Variants in PDZRN4 observed in about 807,000 individuals in gnomAD.
PDZRN4 encodes PDZ domain-containing RING finger protein 4.
In PDZRN4, 70 loss-of-function variants were observed where a neutral mutation model predicts 99.0. That is an observed-to-expected ratio of 0.71 (90% CI 0.58 to 0.86). PDZRN4 has a LOEUF of 0.86. Ranked by LOEUF, PDZRN4 falls within the 40% of genes least tolerant of loss-of-function variation. PDZRN4 has a pLI of 0.00. For missense variants in PDZRN4, 1,474 were observed against 1,331.2 expected (o/e 1.11, Z -1.67); for synonymous variants, 551 against 501.6 (o/e 1.10, Z -1.32).
At chr12:41,564,111 A>G (rs113087606) in intron 8 of PDZRN4, among the ~76,000 whole-genome samples, 3,662 of 152,310 alleles carry the variant, frequency 0.024, 82 homozygotes, top group African/African-American at 0.055. Flanking sequence ...GCATATGAAG[A>G]TATCTTGGAA....
chr12:41,188,906 G>A lies in PDZRN4; in HGVS notation c.451G>A (p.Gly151Ser). 9.0e-7 allele frequency: 1 copy of A among 1,114,312 alleles called. No homozygotes were observed. The allele number at this position is 1,114,312 out of a possible 1,614,324, so 69.0% of individuals were successfully genotyped here. Residue 151 changes from glycine to serine, a missense_variant, in exon 1 of 10, where the codon GGC becomes AGC. Gly to Ser is a moderately conservative substitution (Grantham distance 56). Transcript: ENST00000402685. Reference sequence around the variant, plus strand: ...CGGGGGCGCGCGCGGGGGGCCGCCGGGCGGCCGCTGGGGCCGCGGGCGGGG... The same window carrying A: ...CGGGGGCGCGCGCGGGGGGCCGCCGAGCGGCCGCTGGGGCCGCGGGCGGGG... ...RGGGARGGPP[G>S]GRWGRGRGPG...
intron 5 of PDZRN4, among the ~76,000 whole-genome samples, chr12:41,548,633 A>G (rs1464447685): frequency 6.6e-6 from 1 of 152,188 alleles, no homozygotes; most frequent in Admixed American, 6.5e-5. Flanking sequence ...TATGGCATGC[A>G]TGGGCCTAAG....
chr12:41,324,666 A>G (rs1164099055), intron 3 of PDZRN4, among the ~76,000 whole-genome samples: 1 of 152,084 alleles, frequency 6.6e-6, no homozygotes, highest in Non-Finnish European at 1.5e-5. Flanking sequence ...GTGCAAAACT[A>G]ATTGTGGTAT....
chr12:41,540,365 CATT>C (rs939998426), intron 5 of PDZRN4, among the ~76,000 whole-genome samples: 5 of 152,056 alleles, frequency 3.3e-5, no homozygotes, highest in Admixed American at 3.3e-4. Context: ...AGATTTAATT[CATT>C]ATTATGTCAT....
At chr12:41,572,305 A>G in intron 9 of PDZRN4, 59 bp from the exon 10 acceptor site, 2 of 1,430,726 alleles carry the variant, frequency 1.4e-6, no homozygotes, top group Non-Finnish European at 9.5e-7. Flanking sequence ...AAGATTTTTA[A>G]TAACAAATGT....
intron 3 of PDZRN4, among the ~76,000 whole-genome samples, chr12:41,223,106 G>C (rs897951370): frequency 6.6e-6 from 1 of 152,102 alleles, no homozygotes; most frequent in Non-Finnish European, 1.5e-5. Context: ...ATAAAGAATG[G>C]GTAAGGCTTA....
intron 3 of PDZRN4, among the ~76,000 whole-genome samples, chr12:41,279,481 G>T (rs561242867): frequency 6.6e-6 from 1 of 152,066 alleles, no homozygotes; most frequent in African/African-American, 2.4e-5. Context: ...TTTAAAGATG[G>T]GTAGTAGTTT....
chr12:41,515,371 A>G (rs2120698398), intron 5 of PDZRN4, among the ~76,000 whole-genome samples: 1 of 152,138 alleles, frequency 6.6e-6, no homozygotes, highest in South Asian at 2.1e-4. Context: ...CACATTTTAG[A>G]ATCATTAATG....
At chr12:41,290,010 T>C (rs2120905096) in intron 3 of PDZRN4, among the ~76,000 whole-genome samples, 1 of 152,346 alleles carries the variant, frequency 6.6e-6, no homozygotes, top group South Asian at 2.1e-4. Flanking sequence ...ATATATAAGC[T>C]TAAGGCTATC....
At chr12:41,463,800 A>T (rs1269232826) in intron 3 of PDZRN4, among the ~76,000 whole-genome samples, 1 of 152,192 alleles carries the variant, frequency 6.6e-6, no homozygotes, top group Non-Finnish European at 1.5e-5. Context: ...TATTATCAGA[A>T]AACAACTGGA....
At chr12:41,499,239 C>A (rs1028204517) in intron 3 of PDZRN4, among the ~76,000 whole-genome samples, 2 of 152,014 alleles carry the variant, frequency 1.3e-5, no homozygotes, top group African/African-American at 4.8e-5. Context: ...CTGGGTGAGG[C>A]AGGGGTGCCA....
intron 5 of PDZRN4, among the ~76,000 whole-genome samples, chr12:41,549,632 C>G (rs1939019023): frequency 6.6e-6 from 1 of 152,156 alleles, no homozygotes; most frequent in Non-Finnish European, 1.5e-5. Flanking sequence ...AGGGTTTAGT[C>G]CCTTGCATTA....
chr12:41,429,538 C>T (rs1467408003), intron 3 of PDZRN4, among the ~76,000 whole-genome samples: 1 of 152,054 alleles, frequency 6.6e-6, no homozygotes, highest in Non-Finnish European at 1.5e-5. Flanking sequence ...TTCTTCTGGC[C>T]CTCTAGGAAT....
chr12:41,242,020 C>CAGTGTG (rs1951104709), intron 3 of PDZRN4, among the ~76,000 whole-genome samples: 1 of 152,182 alleles, frequency 6.6e-6, no homozygotes, highest in African/African-American at 2.4e-5. Context: ...AGCTCACACA[C>CAGTGTG]AGTGTGAGAG....
intron 5 of PDZRN4, among the ~76,000 whole-genome samples, chr12:41,512,503 G>T (rs139333693): frequency 8.4e-4 from 128 of 152,206 alleles, no homozygotes; most frequent in Non-Finnish European, 1.2e-3. Flanking sequence ...TGAAGCAGAA[G>T]CATGCTGGGG....
rs1951162503 is a variant in PDZRN4 at position 41,250,564 on chromosome 12, C to A, written c.843+56376C>A. Among the ~76,000 whole-genome samples, 6 of 152,306 alleles carry A rather than the reference C, an allele frequency of 3.9e-5. No individual in the cohort carries two copies. The South Asian group carries it at 1.2e-3, about 32-fold the overall frequency. On this transcript the variant is annotated intron_variant, in intron 3 of 9. Coordinates refer to ENST00000402685, the MANE Select transcript of PDZRN4 (RefSeq NM_001164595.2). ...TAAAAGTTCTGGGAATTTAACCATG[C>A]CAATGCTATCTTTTTTACATTATTA...
intron 3 of PDZRN4, among the ~76,000 whole-genome samples, chr12:41,247,850 A>G (rs1951143030): frequency 6.6e-6 from 1 of 152,212 alleles, no homozygotes; most frequent in South Asian, 2.1e-4. Context: ...ATCTATGCTC[A>G]AACTAAGATT....
In PDZRN4 at chr12:41,537,622, G is replaced by A. The variant is rs75556311; in HGVS notation, c.1204-15034G>A. On this transcript the variant is annotated intron_variant, in intron 5 of 9. Coordinates refer to ENST00000402685, the MANE Select transcript of PDZRN4 (RefSeq NM_001164595.2). The stretch of plus-strand genomic sequence containing the variant: ...GTCAATCTGAGGAGTTTGGACTTCA[G>A]TAGTGCTGTAAGGATGTAATGATGT... Among the ~76,000 whole-genome samples, 227 of 152,270 alleles carry A rather than the reference G, an allele frequency of 1.5e-3. 2 individuals carry two copies. In the East Asian group the frequency reaches 0.037, roughly 25 times the overall value.
intron 3 of PDZRN4, among the ~76,000 whole-genome samples, chr12:41,447,971 T>C (rs1343203204): frequency 2.6e-5 from 4 of 152,134 alleles, no homozygotes; most frequent in Non-Finnish European, 4.4e-5. Flanking sequence ...TTTTAAATTG[T>C]TTTCCCTTGA....
Sources: gnomAD v4.1 joint callset for allele counts (sites outside exome capture counted in the v4.1 genomes callset) on GRCh38, gnomAD v4.1.1 for gene constraint, MANE v1.5 for transcripts, NCBI Gene and HGNC (gene_info 2026-07-23, HGNC 2026-07-21) for gene names.